ELFN1: variants seen among roughly 807,000 people sequenced by gnomAD.
ELFN1 encodes the protein extracellular leucine rich repeat and fibronectin type III domain containing 1, also known as protein ELFN1.
ELFN1 carries 6 observed loss-of-function variants against 7.6 expected under a neutral mutation model. That is an observed-to-expected ratio of 0.79 (90% CI 0.43 to 1.56). The LOEUF is 1.56. ELFN1 is among the 40% of genes most tolerant of loss of function. ELFN1 has a pLI of 0.01. For synonymous variants in ELFN1, 657 were observed against 588.1 expected, an observed-to-expected ratio of 1.12 and a Z score of -1.70; for missense variants, 1,169 against 1,232.2, an observed-to-expected ratio of 0.95 and a Z score of 0.77.
At position 1,745,446 on chromosome 7, in the gene ELFN1, C is replaced by T; in HGVS notation, c.850C>T (p.Pro284Ser). The T allele has an allele frequency of 6.5e-7, 1 of 1,540,490 alleles. No homozygotes were observed. The highest frequency in any genetic ancestry group is 8.7e-7 in the Non-Finnish European group (1 of 1,146,496). ...RSPPPPPPPEPSDMPCADDEC... is the reference protein window; with the variant it reads ...RSPPPPPPPESSDMPCADDEC... ...CCCGCCGCCCCCGCCTCCGCCGGAG[C>T]CCAGTGACATGCCCTGTGCCGATGA... Residue 284 changes from proline to serine, a missense_variant, in exon 4 of 4, where the codon CCC becomes TCC. Physicochemically the swap from Pro to Ser is moderately conservative, Grantham distance 74. Around this residue, in one of 2 missense-constraint regions of ELFN1, gnomAD observed 914 missense variants for 872.6 expected, o/e 1.05. Coordinates refer to ENST00000424383, the MANE Select transcript of ELFN1 (RefSeq NM_001128636.4).
chr7:1,684,837 A>G lies in ELFN1; in HGVS notation c.-548-3221A>G, dbSNP rs544151294. Among the ~76,000 whole-genome samples the G allele has an allele frequency of 2.2e-3, 331 of 152,346 alleles. 2 individuals are homozygous for G. Among genetic ancestry groups the G allele is most frequent in the African/African-American group, 7.6e-3 (316 of 41,590 alleles). On this transcript the variant is annotated intron_variant, in intron 1 of 3. Coordinates refer to ENST00000424383, the MANE Select transcript of ELFN1 (RefSeq NM_001128636.4). ...AACATATAACAATATAGTGTTAAAA[A>G]TATTGCTTTATACAATCTTATGTTT...
chr7:1,735,697 G>A lies in ELFN1; in HGVS notation c.-293-8607G>A, dbSNP rs564916165. Reference sequence around the variant, plus strand: ...TGTGGGCACCAGGTCCGGCAACTGTGCTGAAGGAAAACCCACATATGTCCA... The same window carrying A: ...TGTGGGCACCAGGTCCGGCAACTGTACTGAAGGAAAACCCACATATGTCCA... On this transcript the variant is annotated intron_variant, in intron 3 of 3. Transcript: ENST00000424383. This position sits in a 1 kb window ranked among gnomAD's most constrained non-coding sequence, Gnocchi z 5.9. Among the ~76,000 whole-genome samples, 117 of 152,232 alleles carry A rather than the reference G, an allele frequency of 7.7e-4. No individual in the cohort carries two copies. The highest frequency in any genetic ancestry group is 2.8e-3 in the African/African-American group (115 of 41,546).
At chr7:1,737,239 A>G (rs1780474281) in intron 3 of ELFN1, among the ~76,000 whole-genome samples, 1 of 152,078 alleles carries the variant, frequency 6.6e-6, no homozygotes, top group Admixed American at 6.5e-5. Context: ...AGCCCAGCCA[A>G]GCCTCCTCTT....
chr7:1,719,879 G>A (rs1583364545), intron 3 of ELFN1, among the ~76,000 whole-genome samples: 2 of 141,820 alleles, frequency 1.4e-5, no homozygotes, highest in African/African-American at 5.4e-5. Context: ...TGGCACTCAG[G>A]CAGGGGCCTC....
chr7:1,745,578 T>G lies in ELFN1; in HGVS notation c.982T>G (p.Ser328Ala), dbSNP rs1365840662. The change falls in exon 4 of 4, where the codon TCG (serine) becomes GCG (alanine). Residue 328 changes from serine (S) to alanine (A), a missense_variant. Coordinates refer to ENST00000424383, the MANE Select transcript of ELFN1 (RefSeq NM_001128636.4). ...CAAGGTCAAGCAGCTCACTCAGAAC[T>G]CGGCCACCATCACCGTCCAGCTGCC... ...LIKVKQLTQN[S>A]ATITVQLPSP... 1.3e-6 allele frequency: 2 copies of G among 1,550,444 alleles called. No homozygotes were observed. The highest frequency in any genetic ancestry group is 1.4e-5 in the African/African-American group (1 of 73,024).
rs773156974 is a variant in ELFN1, at chr7:1,745,015, A to G, written c.419A>G (p.Gln140Arg). 1 of 1,551,068 alleles carries G rather than the reference A, an allele frequency of 6.4e-7. No individual in the cohort carries two copies. Among genetic ancestry groups the G allele is most frequent in the Non-Finnish European group, 8.7e-7 (1 of 1,147,012 alleles). ...GLGKLEYLYL[Q>R]ANLIEVVMAS... ...GGCAAGCTGGAGTACCTGTACCTGC[A>G]GGCCAACCTCATCGAGGTGGTCATG... The change falls in exon 4 of 4, where the codon CAG becomes CGG. Residue 140 changes from glutamine to arginine, a missense_variant. Coordinates refer to ENST00000424383, the MANE Select transcript of ELFN1 (RefSeq NM_001128636.4).
chr7:1,731,892 T>C (rs7788846), intron 3 of ELFN1, among the ~76,000 whole-genome samples: 149,928 of 152,332 alleles, frequency 0.98, 73,784 homozygotes, highest in East Asian at 1. Flanking sequence ...TCAGGTGATC[T>C]GTCCGCCTCG....
At chr7:1,737,902 A>C (rs1780494629) in intron 3 of ELFN1, among the ~76,000 whole-genome samples, 1 of 152,050 alleles carries the variant, frequency 6.6e-6, no homozygotes, top group Non-Finnish European at 1.5e-5. Context: ...CCCCCTGATC[A>C]GCACTCTCTG....
chr7:1,683,796 C>A (rs941706131), intron 1 of ELFN1, among the ~76,000 whole-genome samples: 1 of 152,140 alleles, frequency 6.6e-6, no homozygotes, highest in African/African-American at 2.4e-5. Context: ...ATTATGAAAC[C>A]TTCCTCTTTG....
chr7:1,674,724 G>C (rs1778834108), intron 1 of ELFN1, among the ~76,000 whole-genome samples: 2 of 152,264 alleles, frequency 1.3e-5, no homozygotes, highest in Non-Finnish European at 2.9e-5. Flanking sequence ...TGGTGGAAGG[G>C]ACAGGGCCTT....
At chr7:1,689,260 G>A (rs537355799) in intron 2 of ELFN1, among the ~76,000 whole-genome samples, 1 of 152,352 alleles carries the variant, frequency 6.6e-6, no homozygotes, top group African/African-American at 2.4e-5. Context: ...GTATATATGT[G>A]TGCATGCTCA....
chr7:1,684,251 T>C (rs759170624), intron 1 of ELFN1, among the ~76,000 whole-genome samples: 3 of 152,228 alleles, frequency 2.0e-5, no homozygotes, highest in Non-Finnish European at 4.4e-5. Context: ...GTATATCTTT[T>C]TCGATCCTTT....
rs772209446 is a variant in ELFN1 at position 1,740,458 on chromosome 7, C to T, written c.-293-3846C>T. 1.3e-5 allele frequency among the ~76,000 whole-genome samples: 2 copies of T among 152,208 alleles called. No homozygotes were observed. Among genetic ancestry groups the T allele is most frequent in the Non-Finnish European group, 2.9e-5 (2 of 68,040 alleles). ...CTTTCTAGAAATGTTGTTTAATGAT[C>T]GGATCGCTGGACGTGGGGTGCAGCG... On this transcript the variant is annotated intron_variant, in intron 3 of 3. Transcript: ENST00000424383. The surrounding 1 kb of genome is among the most constrained non-coding windows in gnomAD (Gnocchi z 5.0).
intron 3 of ELFN1, among the ~76,000 whole-genome samples, chr7:1,741,365 C>G (rs1192316105): frequency 1.3e-5 from 2 of 152,220 alleles, no homozygotes; most frequent in Non-Finnish European, 2.9e-5. Flanking sequence ...CCCCTGCAGG[C>G]CAGGCTGCTG....
At chr7:1,713,942 G>A (rs1779746757) in intron 3 of ELFN1, among the ~76,000 whole-genome samples, 1 of 152,140 alleles carries the variant, frequency 6.6e-6, no homozygotes, top group Admixed American at 6.5e-5. Flanking sequence ...ACAGGCGGCT[G>A]TGGCTGGCAT....
chr7:1,727,502 G>T (rs995961406), intron 3 of ELFN1, among the ~76,000 whole-genome samples: 11 of 151,148 alleles, frequency 7.3e-5, no homozygotes, highest in Non-Finnish European at 1.5e-4. Context: ...GTCCTGGGCT[G>T]CCCTAGAAGG....
intron 3 of ELFN1, among the ~76,000 whole-genome samples, chr7:1,711,613 AGAGAGAGAGAGAG>A: frequency 1.3e-5 from 2 of 149,894 alleles, no homozygotes; most frequent in South Asian, 2.1e-4. Flanking sequence ...AGAGAGAGAG[AGAGAGAGAGAGAG>A]AATGAGACAA....
At chr7:1,714,004 G>A (rs1158365373) in intron 3 of ELFN1, among the ~76,000 whole-genome samples, 1 of 152,168 alleles carries the variant, frequency 6.6e-6, no homozygotes, top group Admixed American at 6.5e-5. Context: ...AACAGCACGA[G>A]CTAATCAGCA....
chr7:1,682,263 C>A (rs1778987200), intron 1 of ELFN1, among the ~76,000 whole-genome samples: 2 of 152,196 alleles, frequency 1.3e-5, no homozygotes, highest in African/African-American at 4.8e-5. Context: ...GGCCTATTGT[C>A]CAATTTTAGC....
Sources: gnomAD v4.1 joint callset for allele counts (sites outside exome capture counted in the v4.1 genomes callset) on GRCh38, gnomAD v4.1.1 for gene constraint, gnomAD v4.1.1 regional missense constraint, Gnocchi (gnomAD v3.1) non-coding constraint, MANE v1.5 for transcripts, NCBI Gene and HGNC (gene_info 2026-07-23, HGNC 2026-07-21) for gene names.